Variants in GALNTL6 observed in about 807,000 individuals in gnomAD.
GALNTL6 encodes polypeptide N-acetylgalactosaminyltransferase like 6, also known as polypeptide N-acetylgalactosaminyltransferase-like 6.
A neutral mutation model predicts 73.7 loss-of-function variants in GALNTL6; 46 were observed. The ratio of observed to expected loss-of-function variants is 0.62; its 90% CI spans 0.49 to 0.80. The LOEUF is 0.80. Among genes scored for constraint, GALNTL6 ranks in the 30% least tolerant of loss-of-function variants. The pLI, the probability that GALNTL6 is intolerant of heterozygous loss-of-function variation, is 0.00. For missense variants in GALNTL6, 604 were observed against 755.0 expected, an observed-to-expected ratio of 0.80 and a Z score of 2.34; for synonymous variants, 259 against 263.7, an observed-to-expected ratio of 0.98 and a Z score of 0.17.
chr4:172,622,470 T>C (rs1739000969), intron 5 of GALNTL6, among the ~76,000 whole-genome samples: 1 of 152,188 alleles, frequency 6.6e-6, no homozygotes, highest in Admixed American at 6.5e-5. Flanking sequence ...CATTAGAAGC[T>C]AGAAAATTAT....
intron 2 of GALNTL6, among the ~76,000 whole-genome samples, chr4:171,937,491 G>GGATA (rs1738387275): frequency 3.3e-5 from 5 of 151,996 alleles, no homozygotes; most frequent in Admixed American, 3.3e-4. Flanking sequence ...TTTGTTTTTT[G>GGATA]TATGCACATG....
intron 5 of GALNTL6, among the ~76,000 whole-genome samples, chr4:172,716,732 A>G (rs949662925): frequency 6.6e-6 from 1 of 152,250 alleles, no homozygotes; most frequent in Non-Finnish European, 1.5e-5. Context: ...CAAAAATCAC[A>G]GCAGAATTTA....
intron 5 of GALNTL6, among the ~76,000 whole-genome samples, chr4:172,375,738 A>G (rs540932938): frequency 9.2e-4 from 140 of 152,316 alleles, no homozygotes; most frequent in South Asian, 4.1e-3. Flanking sequence ...TGCATTCTTG[A>G]AAACCTGCAC....
chr4:172,230,944 G>A (rs836325), intron 3 of GALNTL6, among the ~76,000 whole-genome samples: 66,966 of 151,936 alleles, frequency 0.44, 16,913 homozygotes, highest in East Asian at 0.78. Context: ...TATCAGGTAT[G>A]GCTGACTGAA....
In GALNTL6 at chr4:171,825,231, A is replaced by G. The variant is rs150835284; in HGVS notation, c.138+10513A>G. 1.7e-3 allele frequency among the ~76,000 whole-genome samples: 255 copies of G among 152,304 alleles called. 2 individuals carry two copies. The highest frequency in any genetic ancestry group is 0.015 in the Admixed American group (228 of 15,284). On this transcript the variant is annotated intron_variant, in intron 2 of 12. Coordinates refer to ENST00000506823, the MANE Select transcript of GALNTL6 (RefSeq NM_001034845.3). ...TGGTTGCATCCAACAGTCAGGTAGAATTGGAAAAATCAAGAATAATGCGGC... is the reference window on the plus strand; with the variant it reads ...TGGTTGCATCCAACAGTCAGGTAGAGTTGGAAAAATCAAGAATAATGCGGC...
At chr4:172,983,284 G>C (rs28582871) in intron 10 of GALNTL6, among the ~76,000 whole-genome samples, 19,186 of 152,172 alleles carry the variant, frequency 0.13, 1,272 homozygotes, top group Non-Finnish European at 0.15. Flanking sequence ...CCTGCCGACA[G>C]CTTGATTTCA....
intron 5 of GALNTL6, among the ~76,000 whole-genome samples, chr4:172,373,793 C>T (rs1471793604): frequency 4.6e-5 from 7 of 152,202 alleles, no homozygotes. Flanking sequence ...CCAATTACAA[C>T]TGAGGAGGTG....
chr4:172,370,295 A>G (rs1742747279), intron 5 of GALNTL6, among the ~76,000 whole-genome samples: 1 of 152,086 alleles, frequency 6.6e-6, no homozygotes, highest in Admixed American at 6.6e-5. Flanking sequence ...TTTGACAAGA[A>G]GGTTAAAAAT....
intron 5 of GALNTL6, among the ~76,000 whole-genome samples, chr4:172,751,470 CAT>C (rs1737418660): frequency 6.6e-6 from 1 of 152,172 alleles, no homozygotes; most frequent in East Asian, 1.9e-4. Flanking sequence ...CTTTCTCTGT[CAT>C]TGTGTGAGAT....
chr4:172,446,421 A>G (rs1012529438), intron 5 of GALNTL6, among the ~76,000 whole-genome samples: 1 of 152,166 alleles, frequency 6.6e-6, no homozygotes, highest in Non-Finnish European at 1.5e-5. Context: ...GTCACAGAAT[A>G]TATTACAGAG....
At chr4:172,748,715 G>A (rs1399328780) in intron 5 of GALNTL6, among the ~76,000 whole-genome samples, 1 of 152,148 alleles carries the variant, frequency 6.6e-6, no homozygotes, top group East Asian at 1.9e-4. Flanking sequence ...GAGGGCTACA[G>A]TTAATAATAA....
intron 5 of GALNTL6, among the ~76,000 whole-genome samples, chr4:172,593,403 T>C (rs577815177): frequency 2.6e-5 from 4 of 152,186 alleles, no homozygotes; most frequent in Non-Finnish European, 5.9e-5. Flanking sequence ...GATATATTCT[T>C]TGTGCTCACC....
At chr4:172,545,148 T>C (rs1336712128) in intron 5 of GALNTL6, among the ~76,000 whole-genome samples, 1 of 152,164 alleles carries the variant, frequency 6.6e-6, no homozygotes, top group African/African-American at 2.4e-5. Flanking sequence ...ATTTTAGTTC[T>C]AAGAAATAAG....
intron 3 of GALNTL6, among the ~76,000 whole-genome samples, chr4:172,261,138 A>G (rs988468868): frequency 6.6e-6 from 1 of 151,322 alleles, no homozygotes; most frequent in African/African-American, 2.4e-5. Flanking sequence ...ATTAGACTGG[A>G]TTCCCTTTCT....
intron 2 of GALNTL6, among the ~76,000 whole-genome samples, chr4:171,978,054 A>G (rs1012069630): frequency 2.6e-5 from 4 of 152,122 alleles, no homozygotes. Context: ...AAAAACCGCC[A>G]TTACTAACAC....
intron 5 of GALNTL6, among the ~76,000 whole-genome samples, chr4:172,548,808 A>G (rs1482633776): frequency 6.6e-6 from 1 of 152,132 alleles, no homozygotes; most frequent in Non-Finnish European, 1.5e-5. Context: ...ACAACAAAAA[A>G]CTGAAGATCT....
intron 2 of GALNTL6, among the ~76,000 whole-genome samples, chr4:172,136,458 C>G (rs190629855): frequency 4.6e-5 from 7 of 152,042 alleles, no homozygotes; most frequent in Admixed American, 4.6e-4. Context: ...AATGTATAGT[C>G]TGGCCTATTT....
intron 2 of GALNTL6, among the ~76,000 whole-genome samples, chr4:172,163,070 T>C (rs958774472): frequency 1.3e-5 from 2 of 152,050 alleles, no homozygotes; most frequent in Non-Finnish European, 2.9e-5. Flanking sequence ...TTTATGTACA[T>C]TTCCCACCTT....
intron 5 of GALNTL6, among the ~76,000 whole-genome samples, chr4:172,711,433 G>T (rs2111325963): frequency 6.6e-6 from 1 of 152,268 alleles, no homozygotes; most frequent in East Asian, 1.9e-4. Flanking sequence ...AATAGGAAAA[G>T]AAGATTCTGA....
Sources: allele counts gnomAD v4.1 joint callset (sites outside exome capture counted in the v4.1 genomes callset), GRCh38; gene constraint gnomAD v4.1.1; transcripts MANE v1.5; gene names NCBI Gene and HGNC (gene_info 2026-07-23, HGNC 2026-07-21).